KALRN: variants seen among roughly 807,000 people sequenced by gnomAD.
The protein encoded by KALRN is kalirin.
KALRN carries 70 observed loss-of-function variants against 353.7 expected under a neutral mutation model. That is an observed-to-expected ratio of 0.20 (90% CI 0.16 to 0.24). The LOEUF is 0.24. Among genes scored for constraint, KALRN ranks in the 10% least tolerant of loss-of-function variants. The pLI, the probability that KALRN is intolerant of heterozygous loss-of-function variation, is 1.00. For missense variants in KALRN, 2,791 were observed against 3,756.7 expected, an observed-to-expected ratio of 0.74 and a Z score of 6.72; for synonymous variants, 1,391 against 1,434.8, an observed-to-expected ratio of 0.97 and a Z score of 0.69.
rs1291696798 is a variant in KALRN, at chr3:124,491,393, C to T, written c.4658C>T (p.Thr1553Ile). The change falls in exon 31 of 60, where the codon ACC becomes ATC. Residue 1553 changes from threonine (T) to isoleucine (I), a missense_variant. Thr to Ile is a moderately conservative substitution (Grantham distance 89). Transcript: ENST00000682506. ...PCKFALWSGR[T>I]PSSDNKTVLK... ...AAATTCGCCTTGTGGTCTGGGCGCACCCCATCCTCAGACAATAAAACAGTG... is the reference window on the plus strand; with the variant it reads ...AAATTCGCCTTGTGGTCTGGGCGCATCCCATCCTCAGACAATAAAACAGTG... 4.3e-6 allele frequency: 7 copies of T among 1,609,548 alleles called. No individual in the cohort carries two copies. The highest frequency in any genetic ancestry group is 5.9e-6 in the Non-Finnish European group (7 of 1,177,640).
intron 1 of KALRN, among the ~76,000 whole-genome samples, chr3:124,151,205 G>C (rs1019565339): frequency 6.6e-5 from 10 of 152,098 alleles, no homozygotes; most frequent in Non-Finnish European, 1.2e-4. Flanking sequence ...ATACCTAAGG[G>C]GAAATACCAA....
chr3:124,631,451 C>T (rs1215114523), intron 34 of KALRN, among the ~76,000 whole-genome samples: 3 of 152,208 alleles, frequency 2.0e-5, no homozygotes, highest in Admixed American at 6.5e-5. Flanking sequence ...TATTCTTCCA[C>T]ATCTCAGGAA....
chr3:124,523,534 A>T (rs1295586974), intron 33 of KALRN, among the ~76,000 whole-genome samples: 3 of 152,252 alleles, frequency 2.0e-5, no homozygotes, highest in Admixed American at 2.0e-4. Context: ...TTCCAAAGGC[A>T]AATAGAAAAG....
chr3:124,508,290 G>A (rs967777773), intron 33 of KALRN, among the ~76,000 whole-genome samples: 11 of 152,104 alleles, frequency 7.2e-5, no homozygotes, highest in African/African-American at 2.4e-4. Flanking sequence ...GCCCCTCCCT[G>A]GTCACAACCC....
chr3:124,234,732 G>A, intron 2 of KALRN, 97 bp from the exon 3 acceptor site: 1 of 919,140 alleles, frequency 1.1e-6, no homozygotes, highest in South Asian at 1.5e-5. Context: ...CCCTATTTCT[G>A]TCTGATCACC....
rs561796974 is a variant in KALRN, at chr3:124,236,363, G to A, written c.263+1420G>A. On this transcript the variant is annotated intron_variant, in intron 3 of 59. Coordinates refer to ENST00000682506, the MANE Select transcript of KALRN (RefSeq NM_001388419.1). ...GGCAAGGAGGTAGACTAAATAACTCGTGATTGATATAGGTAATTTAGCAAT... is the reference window on the plus strand; with the variant it reads ...GGCAAGGAGGTAGACTAAATAACTCATGATTGATATAGGTAATTTAGCAAT... Among the ~76,000 whole-genome samples the A allele has an allele frequency of 1.1e-4, 16 of 152,240 alleles. No individual in the cohort carries two copies. The South Asian group carries it at 2.3e-3, about 22-fold the overall frequency.
intron 33 of KALRN, chr3:124,504,931 C>T: frequency 2.0e-6 from 1 of 508,146 alleles, no homozygotes; most frequent in South Asian, 1.5e-5. Flanking sequence ...TGGAGACAGT[C>T]CAAGGCAAAC....
intron 34 of KALRN, among the ~76,000 whole-genome samples, chr3:124,628,709 A>G (rs11717045): frequency 0.36 from 52,666 of 147,484 alleles, 10,248 homozygotes; most frequent in East Asian, 0.66. Context: ...CCAAGTAGCT[A>G]GGATTTTAGT....
intron 34 of KALRN, among the ~76,000 whole-genome samples, chr3:124,578,392 A>G (rs552304040): frequency 1.3e-5 from 2 of 152,234 alleles, no homozygotes; most frequent in Non-Finnish European, 2.9e-5. Flanking sequence ...GATGAGAATT[A>G]AGGAACCTGC....
At chr3:124,463,082 A>G (rs1432031333) in intron 25 of KALRN, among the ~76,000 whole-genome samples, 1 of 152,208 alleles carries the variant, frequency 6.6e-6, no homozygotes, top group Non-Finnish European at 1.5e-5. Flanking sequence ...TTTGGAGGGA[A>G]GGATATCAAC....
chr3:124,132,264 T>A (rs2065385495), intron 1 of KALRN, among the ~76,000 whole-genome samples: 1 of 152,160 alleles, frequency 6.6e-6, no homozygotes, highest in South Asian at 2.1e-4. Flanking sequence ...GAGCCCCAGG[T>A]GGACATGTCT....
rs775888802 is a variant in KALRN at position 124,700,057 on chromosome 3, C to G, written c.7996+24C>G. 4.4e-5 allele frequency: 71 copies of G among 1,611,436 alleles called. 1 individual carries two copies. In the South Asian group the frequency reaches 7.8e-4, roughly 18 times the overall value. Reference sequence around the variant, plus strand: ...TGGTGAGTCCCAGCCCAGCCCTGGCCCCCCAGGCAGTGGGATTGAGGCACC... The same window carrying G: ...TGGTGAGTCCCAGCCCAGCCCTGGCGCCCCAGGCAGTGGGATTGAGGCACC... On this transcript the variant is annotated intron_variant, in intron 56 of 59. Coordinates refer to ENST00000682506, the MANE Select transcript of KALRN (RefSeq NM_001388419.1).
At chr3:124,612,950 C>T (rs1561423653) in intron 34 of KALRN, among the ~76,000 whole-genome samples, 1 of 152,220 alleles carries the variant, frequency 6.6e-6, no homozygotes, top group African/African-American at 2.4e-5. Context: ...AAGGTCTAGG[C>T]AAGCTCCAGG....
chr3:124,179,099 A>T (rs1232719646), intron 1 of KALRN, among the ~76,000 whole-genome samples: 1 of 152,218 alleles, frequency 6.6e-6, no homozygotes, highest in East Asian at 1.9e-4. Context: ...GACAGAGCAA[A>T]ACCCTGTCTC....
At chr3:124,075,978 CCT>C (rs1216793596) in intron 1 of KALRN, among the ~76,000 whole-genome samples, 1 of 152,194 alleles carries the variant, frequency 6.6e-6, no homozygotes, top group Admixed American at 6.5e-5. Context: ...TGAGTATACC[CCT>C]GTCTCTGCGT....
rs975988017 is a variant in KALRN, at chr3:124,724,260, C to T, written c.*4790C>T. ...TAATACAGGAGGAAATTATTTTGTA[C>T]GTAAGAGGTCTTTGTAGTAGGGCAA... On this transcript the variant is annotated 3_prime_UTR_variant, in exon 60 of 60. Transcript: ENST00000682506. 2.6e-5 allele frequency: 4 copies of T among 152,094 alleles called. No individual in the cohort carries two copies. Among genetic ancestry groups the T allele is most frequent in the Admixed American group, 6.5e-5 (1 of 15,278 alleles). 9.4% of individuals were successfully genotyped at this position (152,094 alleles called of 1,614,324 possible). A position where few individuals can be genotyped will look rare whatever the true frequency, so the allele number is the denominator to read the frequency against.
chr3:124,245,501 C>T (rs926253301), intron 3 of KALRN, among the ~76,000 whole-genome samples: 1 of 152,014 alleles, frequency 6.6e-6, no homozygotes, highest in African/African-American at 2.4e-5. Context: ...TGGCTACATA[C>T]CCAGCAGTGG....
At chr3:124,708,818 C>T (rs149905141) in intron 57 of KALRN, among the ~76,000 whole-genome samples, 2 of 151,996 alleles carry the variant, frequency 1.3e-5, no homozygotes, top group Non-Finnish European at 2.9e-5. Context: ...ATGCCCAGAA[C>T]ACATTGTAAT....
chr3:124,247,650 C>T (rs1486621330), intron 3 of KALRN, among the ~76,000 whole-genome samples: 1 of 152,162 alleles, frequency 6.6e-6, no homozygotes, highest in African/African-American at 2.4e-5. Context: ...TTGGAGCTCC[C>T]ACTGTCCCCC....
Sources: allele counts gnomAD v4.1 joint callset (sites outside exome capture counted in the v4.1 genomes callset), GRCh38; gene constraint gnomAD v4.1.1; transcripts MANE v1.5; gene names NCBI Gene and HGNC (gene_info 2026-07-23, HGNC 2026-07-21).